The following MSN variants were observed in gnomAD, a reference collection of about 807,000 sequenced individuals.
The protein encoded by MSN is moesin.
A neutral mutation model predicts 48.0 loss-of-function variants in MSN; 2 were observed. The observed-to-expected ratio is 0.04, with a 90% CI of 0.02 to 0.13. MSN has a LOEUF of 0.13. Ranked by LOEUF, MSN falls within the 10% of genes least tolerant of loss-of-function variation. The probability of loss-of-function intolerance (pLI) is 1.00; values close to 1 mark genes in which losing one functional copy is unlikely to be tolerated. For synonymous variants in MSN, 146 were observed against 166.9 expected (o/e 0.87, Z 0.97); for missense variants, 267 against 470.1 (o/e 0.57, Z 3.99).
In MSN at chrX:65,645,212, G is replaced by A. The variant is rs575220954; in HGVS notation, c.-22+56600G>A. Among the ~76,000 whole-genome samples the A allele has an allele frequency of 2.7e-5, 3 of 111,849 alleles. No individual in the cohort carries two copies. In the South Asian group the frequency reaches 1.1e-3, roughly 42 times the overall value. On this transcript the variant is annotated intron_variant, in intron 1 of 3. Transcript: ENST00000609672. ...AAGTGTGCTTCCCAGGCTGCTCTGA[G>A]CCTGGAGCTATCAGGACCCTCCTCG...
At chrX:65,688,543 G>C (rs1011373332) in intron 1 of MSN, among the ~76,000 whole-genome samples, 2 of 112,118 alleles carry the variant, frequency 1.8e-5, no homozygotes, top group African/African-American at 6.5e-5. Flanking sequence ...AGGGAAGGCA[G>C]TGTTGTTTCA....
chrX:65,641,151 A>G (rs1235128629), intron 1 of MSN, among the ~76,000 whole-genome samples: 2 of 111,053 alleles, frequency 1.8e-5, no homozygotes, highest in East Asian at 2.8e-4. Flanking sequence ...AAATAATAAA[A>G]TAAGTATTAT....
intron 1 of MSN, among the ~76,000 whole-genome samples, chrX:65,659,229 G>A (rs1412136611): frequency 9.2e-6 from 1 of 109,131 alleles, no homozygotes; most frequent in Non-Finnish European, 1.9e-5. Context: ...TTGGCTTACT[G>A]CAACCTCTTT....
At chrX:65,628,777 G>A (rs1184714433) in intron 1 of MSN, among the ~76,000 whole-genome samples, 1 of 110,525 alleles carries the variant, frequency 9.0e-6, no homozygotes, top group Non-Finnish European at 1.9e-5. Context: ...AAAACAGAAT[G>A]TTTTTGGGGA....
At chrX:65,618,192 G>A (rs1025526713) in intron 1 of MSN, among the ~76,000 whole-genome samples, 3 of 111,766 alleles carry the variant, frequency 2.7e-5, no homozygotes, top group Non-Finnish European at 5.6e-5. Context: ...TGTTGATTTG[G>A]GGTGGAGAGT....
Position 65,611,718 on chromosome X carries a change from G to C in MSN, c.-22+23106G>C, listed in dbSNP as rs192903886. Among the ~76,000 whole-genome samples, 7 of 111,543 alleles carry C rather than the reference G, an allele frequency of 6.3e-5. No individual in the cohort carries two copies. The East Asian group carries it at 2.0e-3, about 32-fold the overall frequency. ...TTGAGACCCTGCTTTCAATTACTTT[G>C]AGTATATACCCAGGATTGAAATTTC... On this transcript the variant is annotated intron_variant, in intron 1 of 3. Coordinates refer to the MSN transcript ENST00000609672.
At chrX:65,665,095 C>T (rs1318607416), upstream of MSN, among the ~76,000 whole-genome samples, 2 of 110,879 alleles carry the variant, frequency 1.8e-5, no homozygotes, top group African/African-American at 6.6e-5. Flanking sequence ...ACACTCTCTA[C>T]CCAACTCTCC....
chrX:65,670,882 G>T (rs1602774636), intron 1 of MSN, among the ~76,000 whole-genome samples: 1 of 58,300 alleles, frequency 1.7e-5, no homozygotes, highest in Non-Finnish European at 3.0e-5. Flanking sequence ...TACATTTTTT[G>T]GTGATGATGA....
At chrX:65,702,102 T>A (rs1227703588) in intron 1 of MSN, among the ~76,000 whole-genome samples, 9 of 105,143 alleles carry the variant, frequency 8.6e-5, no homozygotes, top group African/African-American at 3.1e-4. Context: ...AACCTCTGCC[T>A]CCCGGGTTCA....
chrX:65,615,507 T>C (rs1269472769), intron 1 of MSN, among the ~76,000 whole-genome samples: 1 of 109,932 alleles, frequency 9.1e-6, no homozygotes, highest in Non-Finnish European at 1.9e-5. Context: ...TGTCCTCTTT[T>C]GAGAAGTGTC....
intron 5 of MSN, 69 bp downstream of exon 5, chrX:65,731,259 A>G: frequency 1.1e-6 from 1 of 896,827 alleles, no homozygotes; most frequent in Non-Finnish European, 1.6e-6. Context: ...TTCTAGGGAG[A>G]AGAGACTGAT....
At chrX:65,602,976 A>G (rs2070249667) in intron 1 of MSN, among the ~76,000 whole-genome samples, 2 of 111,708 alleles carry the variant, frequency 1.8e-5, no homozygotes, top group South Asian at 7.5e-4. Context: ...GGGAGGGGAA[A>G]CAACGTGCTC....
chrX:65,609,389 T>C (rs1312774902), intron 1 of MSN, among the ~76,000 whole-genome samples: 1 of 110,811 alleles, frequency 9.0e-6, no homozygotes, highest in Non-Finnish European at 1.9e-5. Flanking sequence ...CAAGGCAAAA[T>C]TGACCTCTTA....
intron 1 of MSN, among the ~76,000 whole-genome samples, chrX:65,649,264 T>C (rs1033100398): frequency 7.8e-5 from 8 of 102,296 alleles, no homozygotes; most frequent in Non-Finnish European, 5.9e-5. Flanking sequence ...TATATGTATA[T>C]ATATATATAT....
intron 1 of MSN, among the ~76,000 whole-genome samples, chrX:65,622,540 G>A (rs1368650707): frequency 9.3e-5 from 8 of 86,426 alleles, no homozygotes; most frequent in African/African-American, 2.2e-4. Context: ...TTTCTGAGAC[G>A]GAGTTTCACT....
At chrX:65,608,006 C>A (rs1354445027) in intron 1 of MSN, among the ~76,000 whole-genome samples, 1 of 112,147 alleles carries the variant, frequency 8.9e-6, no homozygotes, top group African/African-American at 3.2e-5. Context: ...GAAAGGGAGG[C>A]AGGGTGCAAG....
intron 1 of MSN, among the ~76,000 whole-genome samples, chrX:65,644,247 T>G (rs2070678788): frequency 8.9e-6 from 1 of 111,820 alleles, no homozygotes; most frequent in Non-Finnish European, 1.9e-5. Flanking sequence ...CTGGCTTTCA[T>G]ATATTCTTTC....
chrX:65,695,107 T>TG (rs1372095701), intron 1 of MSN, among the ~76,000 whole-genome samples: 23 of 81,376 alleles, frequency 2.8e-4, no homozygotes, highest in African/African-American at 1.4e-3. Context: ...TGTGTGTGTG[T>TG]GTGGTGGTGG....
At chrX:65,671,516 G>C (rs993688796) in intron 1 of MSN, among the ~76,000 whole-genome samples, 2 of 111,740 alleles carry the variant, frequency 1.8e-5, no homozygotes, top group Non-Finnish European at 3.8e-5. Flanking sequence ...AGTGGTACTT[G>C]GTAAATAGGA....
Sources: gnomAD v4.1 joint callset for allele counts (sites outside exome capture counted in the v4.1 genomes callset) on GRCh38, gnomAD v4.1.1 for gene constraint, MANE v1.5 for transcripts, NCBI Gene and HGNC (gene_info 2026-07-23, HGNC 2026-07-21) for gene names.